Variants in NAALADL2 observed in about 807,000 individuals in gnomAD.
NAALADL2 encodes the protein inactive N-acetylated-alpha-linked acidic dipeptidase-like protein 2.
In NAALADL2, 76 loss-of-function variants were observed where a neutral mutation model predicts 87.2. The ratio of observed to expected loss-of-function variants is 0.87; its 90% CI spans 0.72 to 1.05. The LOEUF (loss-of-function observed/expected upper bound fraction) is 1.05. Among genes scored for constraint, NAALADL2 ranks in the 50% least tolerant of loss-of-function variants. The pLI is 0.00. For missense variants in NAALADL2, 1,089 were observed against 945.8 expected (o/e 1.15, Z -1.99); for synonymous variants, 354 against 331.0 (o/e 1.07, Z -0.75).
chr3:175,528,912 A>G (rs1339397899), intron 9 of NAALADL2, among the ~76,000 whole-genome samples: 1 of 152,206 alleles, frequency 6.6e-6, no homozygotes, highest in Non-Finnish European at 1.5e-5. Flanking sequence ...GCATCTGGTC[A>G]CGTGGTTGTA....
intron 9 of NAALADL2, among the ~76,000 whole-genome samples, chr3:175,514,702 G>A (rs1007380388): frequency 6.6e-6 from 1 of 152,078 alleles, no homozygotes; most frequent in Non-Finnish European, 1.5e-5. Context: ...TGAAATATGG[G>A]CCACACAAGC....
In NAALADL2 at chr3:175,796,914, AT is replaced by A. The variant is rs1300915870; in HGVS notation, c.2190-6087del. The stretch of plus-strand genomic sequence containing the variant: ...AAACACATGGAAATGACTTATGAAG[AT>A]TTTAGTTGCCTTTGTTTAAAAATTC... On this transcript the variant is annotated intron_variant, in intron 13 of 13. Transcript: ENST00000454872. Among the ~76,000 whole-genome samples the A allele has an allele frequency of 2.0e-5, 3 of 150,790 alleles. 1 individual carries two copies. Among genetic ancestry groups the A allele is most frequent in the Non-Finnish European group, 4.4e-5 (3 of 67,672 alleles).
intron 5 of NAALADL2, among the ~76,000 whole-genome samples, chr3:175,438,220 A>C (rs932227169): frequency 2.0e-5 from 3 of 152,122 alleles, no homozygotes; most frequent in Non-Finnish European, 4.4e-5. Context: ...TAATCTAAAC[A>C]ATACTTTGCT....
At chr3:175,457,848 A>T (rs12489340) in intron 6 of NAALADL2, among the ~76,000 whole-genome samples, 5 of 151,176 alleles carry the variant, frequency 3.3e-5, no homozygotes, top group Admixed American at 6.6e-5. Flanking sequence ...TTGAAATTCC[A>T]CTGTAAAGAA....
Position 174,832,713 on chromosome 3 carries a change from G to A in NAALADL2, c.-9+94967G>A, listed in dbSNP as rs181060488. On this transcript the variant is annotated intron_variant, in intron 3 of 3. Transcript: ENST00000434257. The stretch of plus-strand genomic sequence containing the variant: ...GATCTCTTGACGTCGTGATCCGCCC[G>A]CCTCAGCCTCCCAAAGTGCTGGGAT... Among the ~76,000 whole-genome samples, 613 of 152,132 alleles carry A rather than the reference G, an allele frequency of 4.0e-3. 3 individuals are homozygous for A. Among genetic ancestry groups the A allele is most frequent in the Middle Eastern group, 0.021 (6 of 292 alleles).
intron 2 of NAALADL2, among the ~76,000 whole-genome samples, chr3:175,163,465 T>C (rs1296799320): frequency 6.6e-6 from 1 of 151,840 alleles, no homozygotes; most frequent in Non-Finnish European, 1.5e-5. Context: ...TAACATGAAC[T>C]GAAATTGGTA....
intron 1 of NAALADL2, among the ~76,000 whole-genome samples, chr3:175,018,764 C>A (rs1425708533): frequency 1.3e-5 from 2 of 152,174 alleles, no homozygotes; most frequent in African/African-American, 2.4e-5. Flanking sequence ...TGAAGAGCCA[C>A]AACACTGCAA....
intron 1 of NAALADL2, among the ~76,000 whole-genome samples, chr3:174,965,257 G>C (rs1172702291): frequency 6.6e-6 from 1 of 152,098 alleles, no homozygotes; most frequent in African/African-American, 2.4e-5. Flanking sequence ...CCTTTCCACA[G>C]TGCTGGTACC....
chr3:175,210,357 GA>G (rs1425735049), intron 2 of NAALADL2, among the ~76,000 whole-genome samples: 1 of 151,724 alleles, frequency 6.6e-6, no homozygotes, highest in Non-Finnish European at 1.5e-5. Context: ...GGATATTCAA[GA>G]GATAAGATTA....
intron 2 of NAALADL2, among the ~76,000 whole-genome samples, chr3:174,657,012 T>G: frequency 6.7e-6 from 1 of 148,880 alleles, no homozygotes; most frequent in African/African-American, 2.5e-5. Context: ...TTTTCCTTCC[T>G]CTCTCTCTCT....
At chr3:175,497,589 G>A (rs1190155869) in intron 9 of NAALADL2, among the ~76,000 whole-genome samples, 2 of 152,160 alleles carry the variant, frequency 1.3e-5, no homozygotes, top group South Asian at 2.1e-4. Flanking sequence ...TGGTTGGAAC[G>A]AATGACTGAC....
chr3:175,482,259 G>T (rs778589324), intron 9 of NAALADL2, among the ~76,000 whole-genome samples: 1 of 151,776 alleles, frequency 6.6e-6, no homozygotes, highest in Non-Finnish European at 1.5e-5. Flanking sequence ...TGCACAGGGG[G>T]CTCCTTAAAT....
At chr3:174,686,023 T>G (rs539005183) in intron 2 of NAALADL2, among the ~76,000 whole-genome samples, 2 of 152,272 alleles carry the variant, frequency 1.3e-5, no homozygotes, top group East Asian at 3.9e-4. Flanking sequence ...GGCTGTATAG[T>G]ATTCCATGGA....
chr3:175,270,061 T>TG (rs1034360340), intron 4 of NAALADL2, among the ~76,000 whole-genome samples: 4 of 152,156 alleles, frequency 2.6e-5, no homozygotes, highest in Non-Finnish European at 5.9e-5. Context: ...TAAATAAATG[T>TG]GGGGGGAAAA....
At position 175,806,672 on chromosome 3, in the gene NAALADL2, GA is replaced by G. The variant is rs1754728580; in HGVS notation, c.*3471del. On this transcript the variant is annotated 3_prime_UTR_variant, in exon 14 of 14. Coordinates refer to ENST00000454872, the MANE Select transcript of NAALADL2 (RefSeq NM_207015.3). ...CTACATCCCAGGCACTGGTGTTTTA[GA>G]ATTTTTCCCATGTATCCTTTTTTTT... The G allele has an allele frequency of 7.5e-6, 1 of 132,624 alleles. No individual in the cohort carries two copies. The highest frequency in any genetic ancestry group is 1.6e-5 in the Non-Finnish European group (1 of 61,140). 8.2% of individuals were successfully genotyped at this position (132,624 alleles called of 1,614,324 possible).
intron 2 of NAALADL2, among the ~76,000 whole-genome samples, chr3:174,732,649 G>A (rs982659748): frequency 1.3e-5 from 2 of 152,022 alleles, no homozygotes; most frequent in Admixed American, 6.6e-5. Context: ...AACTTATGGT[G>A]GGTTTTCAAG....
At chr3:175,182,391 G>T (rs779999201) in intron 2 of NAALADL2, among the ~76,000 whole-genome samples, 1 of 150,914 alleles carries the variant, frequency 6.6e-6, no homozygotes, top group South Asian at 2.1e-4. Flanking sequence ...ACTGTTTTTT[G>T]TTTATTTGTT....
rs139237007 is a variant in NAALADL2 at position 175,164,138 on chromosome 3, C to T, written c.545+66847C>T. Among the ~76,000 whole-genome samples the T allele has an allele frequency of 3.8e-3, 571 of 151,830 alleles. 3 individuals are homozygous for T. Among genetic ancestry groups the T allele is most frequent in the African/African-American group, 0.012 (510 of 41,402 alleles). On this transcript the variant is annotated intron_variant, in intron 2 of 13. Coordinates refer to ENST00000454872, the MANE Select transcript of NAALADL2 (RefSeq NM_207015.3). ...CAATTCCAAGACATTTTAAAAATGT[C>T]CATTTTTTGTTTTTTTGACAAAATA...
chr3:174,651,114 T>C (rs1724310694), intron 2 of NAALADL2, among the ~76,000 whole-genome samples: 1 of 152,190 alleles, frequency 6.6e-6, no homozygotes, highest in Non-Finnish European at 1.5e-5. Context: ...TATTATAAAA[T>C]TGTGCTATCA....
Sources: allele counts gnomAD v4.1 joint callset (sites outside exome capture counted in the v4.1 genomes callset), GRCh38; gene constraint gnomAD v4.1.1; transcripts MANE v1.5; gene names NCBI Gene and HGNC (gene_info 2026-07-23, HGNC 2026-07-21).